Variants in C1orf21 observed in about 807,000 individuals in gnomAD.
C1orf21 encodes chromosome 1 open reading frame 21.
Under a neutral mutation model 18.7 loss-of-function variants are expected in C1orf21, and 3 were observed. The observed-to-expected ratio is 0.16, with a 90% CI of 0.07 to 0.42. C1orf21 has a LOEUF of 0.42. C1orf21 is among the 10% of genes least tolerant of loss of function. The pLI is 0.99. For synonymous variants in C1orf21, 41 were observed against 46.4 expected, an observed-to-expected ratio of 0.88 and a Z score of 0.47; for missense variants, 104 against 143.6, an observed-to-expected ratio of 0.72 and a Z score of 1.41.
chr1:184,536,038 G>GGAATTGCA (rs1658545154), intron 3 of C1orf21, among the ~76,000 whole-genome samples: 1 of 152,126 alleles, frequency 6.6e-6, no homozygotes. Flanking sequence ...CATTCAAGAA[G>GGAATTGCA]GAATTGCAGA....
chr1:184,514,825 A>C (rs1658199280), intron 3 of C1orf21, among the ~76,000 whole-genome samples: 1 of 152,230 alleles, frequency 6.6e-6, no homozygotes, highest in African/African-American at 2.4e-5. Flanking sequence ...CCATGGAAAA[A>C]TCATGTAGAT....
intron 1 of C1orf21, among the ~76,000 whole-genome samples, chr1:184,472,062 G>T (rs1230008063): frequency 2.0e-5 from 3 of 151,980 alleles, no homozygotes; most frequent in African/African-American, 7.3e-5. Context: ...CTTCCCCCTC[G>T]GTGGGCTGCT....
At chr1:184,559,509 T>TCCTTCCTTCCTTCCTTCCTTCCTTCCCC (rs1658925538) in intron 3 of C1orf21, among the ~76,000 whole-genome samples, 1 of 45,752 alleles carries the variant, frequency 2.2e-5, no homozygotes, top group Non-Finnish European at 4.2e-5. Flanking sequence ...CTTCCCCCCT[T>TCCTTCCTTCCTTCCTTCCTTCCTTCCCC]CCTTCCTTCC....
At chr1:184,546,406 G>C (rs957750322) in intron 3 of C1orf21, among the ~76,000 whole-genome samples, 1 of 152,226 alleles carries the variant, frequency 6.6e-6, no homozygotes. Flanking sequence ...CTGCACTCCA[G>C]CCTGGGTGAA....
intron 1 of C1orf21, among the ~76,000 whole-genome samples, chr1:184,393,002 G>GT (rs1019711376): frequency 1.3e-5 from 2 of 151,360 alleles, no homozygotes; most frequent in Non-Finnish European, 2.9e-5. Context: ...GAGTTTTTGT[G>GT]TTTTTTTCTA....
At chr1:184,415,384 G>C (rs564561485) in intron 1 of C1orf21, among the ~76,000 whole-genome samples, 81 of 152,300 alleles carry the variant, frequency 5.3e-4, no homozygotes, top group African/African-American at 1.9e-3. Flanking sequence ...CATCTAGGAA[G>C]ATAATTGAAG....
chr1:184,431,828 G>GA (rs1228209231), intron 1 of C1orf21, among the ~76,000 whole-genome samples: 1 of 151,912 alleles, frequency 6.6e-6, no homozygotes, highest in Admixed American at 6.6e-5. Flanking sequence ...AAATTTACTA[G>GA]AAAAAAACAA....
At chr1:184,474,039 T>G (rs1308514490) in intron 1 of C1orf21, among the ~76,000 whole-genome samples, 1 of 152,214 alleles carries the variant, frequency 6.6e-6, no homozygotes, top group Non-Finnish European at 1.5e-5. Flanking sequence ...AGTAAAAAAC[T>G]TTCTTCAGTG....
At chr1:184,416,534 A>G (rs2101964713) in intron 1 of C1orf21, among the ~76,000 whole-genome samples, 1 of 152,272 alleles carries the variant, frequency 6.6e-6, no homozygotes, top group Admixed American at 6.5e-5. Context: ...AAAAAGCAAA[A>G]ATGTCCAGCA....
chr1:184,465,201 A>G (rs1657372028), intron 1 of C1orf21, among the ~76,000 whole-genome samples: 1 of 152,202 alleles, frequency 6.6e-6, no homozygotes, highest in South Asian at 2.1e-4. Context: ...GAAGGACCCA[A>G]CAGAATTTGT....
Position 184,621,685 on chromosome 1 carries a change from T to C in C1orf21, c.*2129T>C, listed in dbSNP as rs902947081. On this transcript the variant is annotated 3_prime_UTR_variant, in exon 6 of 6. Coordinates refer to ENST00000235307, the MANE Select transcript of C1orf21 (RefSeq NM_030806.4). Reference sequence around the variant, plus strand: ...CCCTCTACCCAAAGATGAAACATGCTCATGTCATTTTTCTCATGGTCACAT... The same window carrying C: ...CCCTCTACCCAAAGATGAAACATGCCCATGTCATTTTTCTCATGGTCACAT... The C allele has an allele frequency of 6.6e-6, 1 of 152,224 alleles. No individual in the cohort carries two copies. Among genetic ancestry groups the C allele is most frequent in the Non-Finnish European group, 1.5e-5 (1 of 68,054 alleles). 9.4% of individuals were successfully genotyped at this position (152,224 alleles called of 1,614,324 possible). A position where few individuals can be genotyped will look rare whatever the true frequency, so the allele number is the denominator to read the frequency against.
intron 3 of C1orf21, among the ~76,000 whole-genome samples, chr1:184,512,285 G>A (rs1431355985): frequency 6.6e-6 from 1 of 152,180 alleles, no homozygotes; most frequent in African/African-American, 2.4e-5. Context: ...TGCTTAATAT[G>A]TGTTCCTCTT....
chr1:184,418,941 G>C (rs1000259770), intron 1 of C1orf21, among the ~76,000 whole-genome samples: 2 of 152,142 alleles, frequency 1.3e-5, no homozygotes, highest in Admixed American at 6.5e-5. Context: ...TAAAAGTACA[G>C]CTTCTTTTTT....
intron 5 of C1orf21, among the ~76,000 whole-genome samples, chr1:184,614,970 CT>C (rs1458341568): frequency 5.3e-5 from 8 of 152,294 alleles, no homozygotes; most frequent in African/African-American, 1.9e-4. Context: ...CTAGGGACCC[CT>C]GGCCTAGACT....
At chr1:184,504,708 C>CT (rs1345333973) in intron 2 of C1orf21, among the ~76,000 whole-genome samples, 2 of 152,068 alleles carry the variant, frequency 1.3e-5, no homozygotes, top group Non-Finnish European at 2.9e-5. Context: ...TCTTGCCCAG[C>CT]TTTTTTTGTT....
At chr1:184,599,379 C>T (rs1326635267) in intron 5 of C1orf21, 1 of 152,076 alleles carries the variant, frequency 6.6e-6, no homozygotes, top group Non-Finnish European at 1.5e-5. Context: ...GTATATCACT[C>T]AACAGAAGAT....
chr1:184,500,556 CT>C (rs2101960572), intron 2 of C1orf21, among the ~76,000 whole-genome samples: 1 of 152,256 alleles, frequency 6.6e-6, no homozygotes, highest in East Asian at 1.9e-4. Flanking sequence ...CTATATCATC[CT>C]GTGCATATGC....
chr1:184,575,814 T>C (rs1659181417), intron 3 of C1orf21, among the ~76,000 whole-genome samples: 1 of 151,978 alleles, frequency 6.6e-6, no homozygotes, highest in Non-Finnish European at 1.5e-5. Context: ...CCCAACCCCT[T>C]AATACAGTGT....
chr1:184,469,099 AG>A lies in C1orf21; in HGVS notation c.-124-8286del, dbSNP rs200463515. Reference sequence around the variant, plus strand: ...AAAATACAAAAAAAGAGAAAAAAAAAGTCAGCCAGGCATGGTGGCACGTGCC... The same window carrying A: ...AAAATACAAAAAAAGAGAAAAAAAAATCAGCCAGGCATGGTGGCACGTGCC... On this transcript the variant is annotated intron_variant, in intron 1 of 5. Coordinates refer to ENST00000235307, the MANE Select transcript of C1orf21 (RefSeq NM_030806.4). Among the ~76,000 whole-genome samples the A allele has an allele frequency of 3.2e-3, 478 of 151,434 alleles. 2 individuals are homozygous for A. The highest frequency in any genetic ancestry group is 0.011 in the African/African-American group (456 of 41,212).
Sources: allele counts gnomAD v4.1 joint callset (sites outside exome capture counted in the v4.1 genomes callset), GRCh38; gene constraint gnomAD v4.1.1; transcripts MANE v1.5; gene names NCBI Gene and HGNC (gene_info 2026-07-23, HGNC 2026-07-21).